Variants in RASAL2 observed in about 807,000 individuals in gnomAD.
The protein encoded by RASAL2 is ras GTPase-activating protein nGAP.
A neutral mutation model predicts 128.9 loss-of-function variants in RASAL2; 58 were observed. The ratio of observed to expected loss-of-function variants is 0.45; its 90% CI spans 0.36 to 0.56. The LOEUF (loss-of-function observed/expected upper bound fraction) is 0.56. RASAL2 is among the 20% of genes least tolerant of loss of function. The pLI, the probability that RASAL2 is intolerant of heterozygous loss-of-function variation, is 0.00. For missense variants in RASAL2, 1,360 were observed against 1,601.6 expected, an observed-to-expected ratio of 0.85 and a Z score of 2.57; for synonymous variants, 561 against 580.8, an observed-to-expected ratio of 0.97 and a Z score of 0.49.
intron 3 of RASAL2, among the ~76,000 whole-genome samples, chr1:178,333,736 A>G (rs1342599476): frequency 6.6e-6 from 1 of 152,252 alleles, no homozygotes; most frequent in Admixed American, 6.5e-5. Context: ...TAATCATAAT[A>G]GTAAATAATC....
chr1:178,238,607 T>C (rs570665488), intron 1 of RASAL2, among the ~76,000 whole-genome samples: 19 of 150,544 alleles, frequency 1.3e-4, no homozygotes, highest in South Asian at 8.4e-4. Flanking sequence ...TGTGTGTATA[T>C]ACACACACAC....
At chr1:178,449,836 T>C (rs1469477104) in intron 9 of RASAL2, among the ~76,000 whole-genome samples, 6 of 152,186 alleles carry the variant, frequency 3.9e-5, no homozygotes, top group African/African-American at 1.4e-4. Context: ...CTGGCACTTT[T>C]CTTGAAGAAT....
intron 16 of RASAL2, 142 bp downstream of exon 16, chr1:178,466,264 C>T: frequency 1.4e-6 from 1 of 719,946 alleles, no homozygotes; most frequent in Non-Finnish European, 2.1e-6. Context: ...GACTGTATCT[C>T]TTAAAATATC....
intron 3 of RASAL2, among the ~76,000 whole-genome samples, chr1:178,375,855 A>G (rs1020400382): frequency 6.6e-6 from 1 of 152,174 alleles, no homozygotes; most frequent in Non-Finnish European, 1.5e-5. Flanking sequence ...TTTCACTTTT[A>G]GAAGACTAAT....
chr1:178,383,706 CTTAAATGTCTTCTGTGCA>C (rs1672402031), intron 3 of RASAL2, among the ~76,000 whole-genome samples: 1 of 152,152 alleles, frequency 6.6e-6, no homozygotes, highest in African/African-American at 2.4e-5. Context: ...TCTTCTGTGC[CTTAAATGTCTTCTGTGCA>C]TCCTATGGAA....
intron 3 of RASAL2, among the ~76,000 whole-genome samples, chr1:178,344,747 C>A (rs1196703907): frequency 3.3e-5 from 5 of 152,134 alleles, no homozygotes; most frequent in Admixed American, 6.6e-5. Flanking sequence ...ATTTGAGTTG[C>A]ATAAACTTTC....
At chr1:178,417,481 G>A (rs1245749281) in intron 4 of RASAL2, among the ~76,000 whole-genome samples, 1 of 152,014 alleles carries the variant, frequency 6.6e-6, no homozygotes, top group Non-Finnish European at 1.5e-5. Context: ...GTGCCACAAG[G>A]CTGGACGCAG....
At chr1:178,320,303 G>T (rs1357572708) in intron 3 of RASAL2, among the ~76,000 whole-genome samples, 1 of 152,224 alleles carries the variant, frequency 6.6e-6, no homozygotes, top group Non-Finnish European at 1.5e-5. Flanking sequence ...AGGCCTCCTT[G>T]AGCTGTGGTG....
chr1:178,376,972 C>A (rs1271094438), intron 3 of RASAL2, among the ~76,000 whole-genome samples: 1 of 151,964 alleles, frequency 6.6e-6, no homozygotes, highest in Non-Finnish European at 1.5e-5. Context: ...AATTATTATT[C>A]AGTAGATAAT....
At chr1:178,306,258 T>C (rs972541671) in intron 3 of RASAL2, among the ~76,000 whole-genome samples, 3 of 152,184 alleles carry the variant, frequency 2.0e-5, no homozygotes, top group Non-Finnish European at 2.9e-5. Context: ...TAGTATTCCA[T>C]GGTGTATATG....
At chr1:178,110,402 A>G (rs1659253418) in intron 1 of RASAL2, among the ~76,000 whole-genome samples, 1 of 151,532 alleles carries the variant, frequency 6.6e-6, no homozygotes, top group South Asian at 2.1e-4. Context: ...TTATCCTTCC[A>G]TATACTTTAA....
chr1:178,205,043 C>T (rs952512521), intron 1 of RASAL2, among the ~76,000 whole-genome samples: 2 of 152,162 alleles, frequency 1.3e-5, no homozygotes, highest in African/African-American at 2.4e-5. Context: ...CTTGCTCTGT[C>T]GCCCAGGCTG....
chr1:178,421,361 A>G (rs944530033), intron 5 of RASAL2, among the ~76,000 whole-genome samples: 4 of 152,076 alleles, frequency 2.6e-5, no homozygotes, highest in Admixed American at 2.6e-4. Context: ...TTGACACATC[A>G]TGTCTCGATA....
chr1:178,227,995 T>C (rs998015847), intron 1 of RASAL2, among the ~76,000 whole-genome samples: 3 of 152,224 alleles, frequency 2.0e-5, no homozygotes, highest in Non-Finnish European at 4.4e-5. Context: ...GAAAATGAAG[T>C]GTCAAGTTAT....
At chr1:178,308,389 A>G (rs949459936) in intron 3 of RASAL2, among the ~76,000 whole-genome samples, 2 of 152,088 alleles carry the variant, frequency 1.3e-5, no homozygotes, top group Non-Finnish European at 2.9e-5. Flanking sequence ...TCCTAAGTTT[A>G]TTGACCTCTG....
intron 4 of RASAL2, among the ~76,000 whole-genome samples, chr1:178,418,290 C>T (rs906828531): frequency 3.3e-5 from 5 of 152,116 alleles, no homozygotes; most frequent in African/African-American, 1.2e-4. Flanking sequence ...ATGTTGCATT[C>T]TTAAAATTGT....
chr1:178,126,261 C>T (rs942846861), intron 1 of RASAL2, among the ~76,000 whole-genome samples: 1 of 152,100 alleles, frequency 6.6e-6, no homozygotes, highest in African/African-American at 2.4e-5. Context: ...CCTCAAATAG[C>T]CTGTTGTCTA....
At chr1:178,401,142 C>T (rs1334213107) in intron 4 of RASAL2, among the ~76,000 whole-genome samples, 2 of 152,202 alleles carry the variant, frequency 1.3e-5, no homozygotes, top group African/African-American at 4.8e-5. Flanking sequence ...TTTATTTTTC[C>T]TAATCTGTTT....
chr1:178,095,579 C>T (rs1658646111), intron 1 of RASAL2, among the ~76,000 whole-genome samples: 1 of 152,218 alleles, frequency 6.6e-6, no homozygotes, highest in South Asian at 2.1e-4. Flanking sequence ...CACCTGGGAT[C>T]AAACACAATG....
Sources: allele counts gnomAD v4.1 joint callset (sites outside exome capture counted in the v4.1 genomes callset), GRCh38; gene constraint gnomAD v4.1.1; transcripts MANE v1.5; gene names NCBI Gene and HGNC (gene_info 2026-07-23, HGNC 2026-07-21).